RTN1: variants seen among roughly 807,000 people sequenced by gnomAD.
RTN1 encodes the protein reticulon 1.
RTN1 carries 25 observed loss-of-function variants against 65.5 expected under a neutral mutation model. The observed-to-expected ratio is 0.38, with a 90% CI of 0.28 to 0.53. The LOEUF is 0.53. Ranked by LOEUF, RTN1 falls within the 20% of genes least tolerant of loss-of-function variation. The pLI, the probability that RTN1 is intolerant of heterozygous loss-of-function variation, is 0.79. For missense variants in RTN1, 983 were observed against 1,025.4 expected, an observed-to-expected ratio of 0.96 and a Z score of 0.57; for synonymous variants, 471 against 447.6, an observed-to-expected ratio of 1.05 and a Z score of -0.66.
intron 1 of RTN1, among the ~76,000 whole-genome samples, chr14:59,853,567 G>C (rs1887547701): frequency 6.6e-6 from 1 of 152,122 alleles, no homozygotes. Context: ...AGTGCACCCA[G>C]AACTCTGCCC....
intron 1 of RTN1, among the ~76,000 whole-genome samples, chr14:59,823,184 G>A (rs913352479): frequency 6.6e-6 from 1 of 152,018 alleles, no homozygotes; most frequent in African/African-American, 2.4e-5. Flanking sequence ...GAATCTAGAT[G>A]CTCCAATGTT....
intron 3 of RTN1, among the ~76,000 whole-genome samples, chr14:59,628,408 A>AAAC (rs551216693): frequency 6.3e-4 from 96 of 152,248 alleles, no homozygotes; most frequent in African/African-American, 1.3e-3. Context: ...TAAAAATGCT[A>AAAC]AACAACAACA....
intron 1 of RTN1, among the ~76,000 whole-genome samples, chr14:59,767,749 A>G (rs1043845201): frequency 7.9e-5 from 12 of 152,202 alleles, no homozygotes; most frequent in Admixed American, 4.6e-4. Context: ...AAATTTCCCT[A>G]TGGTGCTTTC....
intron 1 of RTN1, among the ~76,000 whole-genome samples, chr14:59,838,338 A>G (rs1312082635): frequency 2.6e-5 from 4 of 152,214 alleles, no homozygotes; most frequent in African/African-American, 9.6e-5. Context: ...GAACATTCAC[A>G]TCTTTTGACC....
At chr14:59,792,115 C>T (rs534099656) in intron 1 of RTN1, among the ~76,000 whole-genome samples, 3 of 152,126 alleles carry the variant, frequency 2.0e-5, no homozygotes, top group South Asian at 4.1e-4. Flanking sequence ...GGGGCTGTAC[C>T]GCTGCCATTA....
intron 1 of RTN1, among the ~76,000 whole-genome samples, chr14:59,851,019 T>G (rs1887495862): frequency 6.6e-6 from 1 of 152,214 alleles, no homozygotes; most frequent in South Asian, 2.1e-4. Flanking sequence ...GTTTTCCCCC[T>G]GCAGTGCAGG....
At chr14:59,678,672 C>G (rs1883680002) in intron 3 of RTN1, among the ~76,000 whole-genome samples, 1 of 152,202 alleles carries the variant, frequency 6.6e-6, no homozygotes, top group Admixed American at 6.5e-5. Context: ...ACAGGCCTCC[C>G]TTCTCACTAC....
intron 1 of RTN1, among the ~76,000 whole-genome samples, chr14:59,765,761 G>A (rs1370195622): frequency 6.6e-6 from 1 of 151,568 alleles, no homozygotes; most frequent in Non-Finnish European, 1.5e-5. Context: ...AGTATTAAAT[G>A]CTCATGGTTT....
At chr14:59,706,730 G>A (rs1229239175) in intron 3 of RTN1, among the ~76,000 whole-genome samples, 1 of 152,166 alleles carries the variant, frequency 6.6e-6, no homozygotes, top group Non-Finnish European at 1.5e-5. Context: ...AGGAATATTA[G>A]TAATCTCCGT....
intron 3 of RTN1, among the ~76,000 whole-genome samples, chr14:59,650,493 T>G (rs771654038): frequency 1.3e-5 from 2 of 152,228 alleles, no homozygotes; most frequent in Non-Finnish European, 2.9e-5. Context: ...GACATGATTC[T>G]TTATCTAGAA....
intron 3 of RTN1, among the ~76,000 whole-genome samples, chr14:59,677,679 T>G (rs1349236785): frequency 6.6e-6 from 1 of 152,202 alleles, no homozygotes; most frequent in Non-Finnish European, 1.5e-5. Flanking sequence ...AAAGATGATA[T>G]GGACCTGCCT....
chr14:59,815,570 G>A (rs537505933), intron 1 of RTN1, among the ~76,000 whole-genome samples: 5 of 152,240 alleles, frequency 3.3e-5, no homozygotes, highest in Non-Finnish European at 4.4e-5. Context: ...CAGTCTGACC[G>A]AAAGCTCATT....
chr14:59,607,590 C>A, intron 3 of RTN1, 98 bp from the exon 4 acceptor site: 4 of 996,176 alleles, frequency 4.0e-6, no homozygotes, highest in South Asian at 2.9e-5. Flanking sequence ...TGTGGGTTCT[C>A]ACCTGGCATC....
At chr14:59,633,210 T>A (rs1882592941) in intron 3 of RTN1, among the ~76,000 whole-genome samples, 1 of 152,196 alleles carries the variant, frequency 6.6e-6, no homozygotes, top group Non-Finnish European at 1.5e-5. Flanking sequence ...TCTAACAGTT[T>A]GATAGTTGAA....
chr14:59,726,652 G>T (rs566213914), intron 3 of RTN1, among the ~76,000 whole-genome samples: 1 of 152,324 alleles, frequency 6.6e-6, no homozygotes, highest in African/African-American at 2.4e-5. Flanking sequence ...GGAGATCCTG[G>T]AGTGAACACA....
At chr14:59,694,643 A>G (rs911501990) in intron 3 of RTN1, among the ~76,000 whole-genome samples, 1 of 152,242 alleles carries the variant, frequency 6.6e-6, no homozygotes, top group African/African-American at 2.4e-5. Flanking sequence ...GCTCAGGTTG[A>G]AAAGAAAATT....
chr14:59,666,364 C>T (rs1434695821), intron 3 of RTN1, among the ~76,000 whole-genome samples: 1 of 152,056 alleles, frequency 6.6e-6, no homozygotes, highest in Non-Finnish European at 1.5e-5. Flanking sequence ...AAAATGAAGG[C>T]AGAAATAAAG....
At chr14:59,672,682 G>A (rs567938645) in intron 3 of RTN1, among the ~76,000 whole-genome samples, 14 of 130,090 alleles carry the variant, frequency 1.1e-4, no homozygotes, top group Admixed American at 2.8e-4. Flanking sequence ...CGCCCAGGCC[G>A]GACTGCGGAC....
At chr14:59,839,615 G>A (rs1036781682) in intron 1 of RTN1, among the ~76,000 whole-genome samples, 1 of 152,028 alleles carries the variant, frequency 6.6e-6, no homozygotes, top group Admixed American at 6.5e-5. Context: ...ATTTATTCTG[G>A]TTTTGCAAAG....
Sources: gnomAD v4.1 joint callset for allele counts (sites outside exome capture counted in the v4.1 genomes callset) on GRCh38, gnomAD v4.1.1 for gene constraint, MANE v1.5 for transcripts, NCBI Gene and HGNC (gene_info 2026-07-23, HGNC 2026-07-21) for gene names.